STOX2: variants seen among roughly 807,000 people sequenced by gnomAD.
STOX2 encodes storkhead-box protein 2.
Under a neutral mutation model 60.9 loss-of-function variants are expected in STOX2, and 28 were observed. The ratio of observed to expected loss-of-function variants is 0.46; its 90% CI spans 0.34 to 0.63. The LOEUF (loss-of-function observed/expected upper bound fraction) is 0.63. Among genes scored for constraint, STOX2 ranks in the 30% least tolerant of loss-of-function variants. The probability of loss-of-function intolerance (pLI) is 0.01; values close to 1 mark genes in which losing one functional copy is unlikely to be tolerated. For synonymous variants in STOX2, 472 were observed against 463.9 expected, an observed-to-expected ratio of 1.02 and a Z score of -0.22; for missense variants, 1,024 against 1,187.7, an observed-to-expected ratio of 0.86 and a Z score of 2.03.
intron 1 of STOX2, among the ~76,000 whole-genome samples, chr4:183,869,463 T>C (rs1560855102): frequency 1.3e-5 from 2 of 152,208 alleles, no homozygotes; most frequent in African/African-American, 4.8e-5. Context: ...TGCTAAGTCA[T>C]ATTTTTATTA....
At chr4:183,798,637 C>T (rs1324820944) in intron 1 of STOX2, 5 of 985,260 alleles carry the variant, frequency 5.1e-6, no homozygotes, top group Admixed American at 6.1e-5. Context: ...AATGTCTCAC[C>T]TGCAGCACAT....
intron 1 of STOX2, among the ~76,000 whole-genome samples, chr4:183,871,997 T>TA (rs771728535): frequency 2.0e-5 from 3 of 152,072 alleles, no homozygotes; most frequent in Non-Finnish European, 4.4e-5. Flanking sequence ...CTGCAGGTAT[T>TA]AAAAAAACCC....
intron 1 of STOX2, among the ~76,000 whole-genome samples, chr4:183,913,758 C>A (rs11132213): frequency 0.54 from 82,069 of 151,608 alleles, 22,460 homozygotes; most frequent in East Asian, 0.65. Flanking sequence ...GTGACAGAGC[C>A]AGACTTTGTC....
chr4:183,950,997 C>T (rs954456493), intron 1 of STOX2, among the ~76,000 whole-genome samples: 14 of 151,962 alleles, frequency 9.2e-5, no homozygotes, highest in African/African-American at 2.2e-4. Flanking sequence ...GGGCGGATCA[C>T]GAGGTCAGGA....
chr4:183,971,394 G>T (rs1310194614), intron 1 of STOX2, among the ~76,000 whole-genome samples: 2 of 152,230 alleles, frequency 1.3e-5, no homozygotes, highest in Non-Finnish European at 2.9e-5. Context: ...GATCTGGTCT[G>T]TGGGTCATGT....
intron 1 of STOX2, among the ~76,000 whole-genome samples, chr4:183,928,221 G>T (rs545255744): frequency 0.052 from 787 of 15,262 alleles, 5 homozygotes; most frequent in African/African-American, 0.13. Context: ...GAGCCCTCGG[G>T]GGGGGGCATT....
At chr4:183,942,616 T>G (rs1012346162) in intron 1 of STOX2, among the ~76,000 whole-genome samples, 2 of 152,182 alleles carry the variant, frequency 1.3e-5, no homozygotes, top group African/African-American at 2.4e-5. Flanking sequence ...AATTTATATT[T>G]GTAAACTGAC....
At chr4:183,881,308 C>A (rs1219622932) in intron 1 of STOX2, among the ~76,000 whole-genome samples, 1 of 152,112 alleles carries the variant, frequency 6.6e-6, no homozygotes, top group Non-Finnish European at 1.5e-5. Flanking sequence ...CGAGACCATC[C>A]TGGCCAACAT....
intron 1 of STOX2, among the ~76,000 whole-genome samples, chr4:183,926,946 C>A (rs1265179820): frequency 6.6e-6 from 1 of 152,138 alleles, no homozygotes; most frequent in East Asian, 1.9e-4. Context: ...TTAACCAGAT[C>A]TGTAAAAAGT....
At chr4:183,861,172 A>G (rs1740431716) in intron 1 of STOX2, among the ~76,000 whole-genome samples, 1 of 152,208 alleles carries the variant, frequency 6.6e-6, no homozygotes, top group African/African-American at 2.4e-5. Flanking sequence ...GTTCAAAATG[A>G]CAGGGAGAAA....
intron 1 of STOX2, among the ~76,000 whole-genome samples, chr4:183,839,620 G>A (rs1739803037): frequency 1.3e-5 from 2 of 152,186 alleles, no homozygotes; most frequent in African/African-American, 4.8e-5. Flanking sequence ...CTGTGTGCAA[G>A]TCTACAGGGC....
At chr4:183,862,812 G>C (rs1199168834) in intron 1 of STOX2, among the ~76,000 whole-genome samples, 3 of 152,186 alleles carry the variant, frequency 2.0e-5, no homozygotes, top group East Asian at 3.9e-4. Context: ...CTCTCTAACG[G>C]TGCCCTGTGG....
chr4:184,006,285 T>TAAA (rs1443096285), intron 2 of STOX2, among the ~76,000 whole-genome samples: 2 of 152,332 alleles, frequency 1.3e-5, no homozygotes, highest in Admixed American at 1.3e-4. Flanking sequence ...CATTGTTGAC[T>TAAA]AAAAGTATGC....
At chr4:183,831,496 A>G (rs1052639094) in intron 1 of STOX2, among the ~76,000 whole-genome samples, 1 of 149,394 alleles carries the variant, frequency 6.7e-6, no homozygotes, top group African/African-American at 2.6e-5. Context: ...GTTTAGAACT[A>G]TGTACATTTT....
intron 1 of STOX2, among the ~76,000 whole-genome samples, chr4:183,874,991 A>ATATG (rs150927457): frequency 0.027 from 2,269 of 84,174 alleles, 138 homozygotes; most frequent in South Asian, 0.036. Flanking sequence ...ATATATATAT[A>ATATG]TAAAACTTAG....
chr4:183,819,322 C>A (rs981229361), intron 1 of STOX2, among the ~76,000 whole-genome samples: 7 of 152,050 alleles, frequency 4.6e-5, no homozygotes, highest in Admixed American at 1.3e-4. Context: ...GCTAGCAGAT[C>A]ACTCCCGGTT....
chr4:183,977,262 C>A (rs1313528116), intron 1 of STOX2, among the ~76,000 whole-genome samples: 1 of 152,048 alleles, frequency 6.6e-6, no homozygotes, highest in Non-Finnish European at 1.5e-5. Flanking sequence ...GTCTGTTATT[C>A]CACCCTGCAA....
At chr4:183,907,429 G>T (rs1038518294) in intron 1 of STOX2, among the ~76,000 whole-genome samples, 5 of 152,220 alleles carry the variant, frequency 3.3e-5, no homozygotes, top group Admixed American at 3.3e-4. Flanking sequence ...GACATCCCAG[G>T]CTGGTCTGAT....
chr4:183,965,770 C>T (rs964891743), intron 1 of STOX2, among the ~76,000 whole-genome samples: 1 of 151,814 alleles, frequency 6.6e-6, no homozygotes, highest in Admixed American at 6.6e-5. Context: ...CAGGTGAAAA[C>T]CTAAAGCAAA....
Sources: allele counts gnomAD v4.1 joint callset (sites outside exome capture counted in the v4.1 genomes callset), GRCh38; gene constraint gnomAD v4.1.1; transcripts MANE v1.5; gene names NCBI Gene and HGNC (gene_info 2026-07-23, HGNC 2026-07-21).